ADCY3: variants seen among roughly 807,000 people sequenced by gnomAD.
ADCY3 encodes the protein adenylate cyclase 3.
Under a neutral mutation model 119.4 loss-of-function variants are expected in ADCY3, and 70 were observed. The observed-to-expected ratio is 0.59, with a 90% CI of 0.48 to 0.72. The LOEUF is 0.72. Among genes scored for constraint, ADCY3 ranks in the 30% least tolerant of loss-of-function variants. The pLI, the probability that ADCY3 is intolerant of heterozygous loss-of-function variation, is 0.00. For synonymous variants in ADCY3, 672 were observed against 621.4 expected (o/e 1.08, Z -1.21); for missense variants, 1,238 against 1,541.6 (o/e 0.80, Z 3.30).
chr2:24,831,613 G>T (rs1669518132), intron 12 of ADCY3, 49 bp downstream of exon 12: 1 of 1,426,044 alleles, frequency 7.0e-7, no homozygotes, highest in Non-Finnish European at 9.9e-7. Context: ...TACAGGGAGT[G>T]CCACTCACTT....
chr2:24,841,181 C>A lies in ADCY3; in HGVS notation c.1196+78G>T. 2 of 1,454,532 alleles carry A rather than the reference C, an allele frequency of 1.4e-6. No homozygotes were observed. Among genetic ancestry groups the A allele is most frequent in the Admixed American group, 2.4e-5 (1 of 42,470 alleles). The allele number at this position is 1,454,532 out of a possible 1,614,324, so 90.1% of individuals were successfully genotyped here. ...CCCCACCCAGGGGCCATGGCCAGCG[C>A]GGAAGACCTGCTTCTCCCTGGGTCC... is the stretch of plus-strand genomic sequence containing the variant. On this transcript the variant is annotated intron_variant, in intron 6 of 21. Coordinates refer to ENST00000679454, the MANE Select transcript of ADCY3 (RefSeq NM_004036.5). The surrounding 1 kb of genome is among the most constrained non-coding windows in gnomAD (Gnocchi z 5.8).
At chr2:24,855,109 A>C (rs79482748) in intron 3 of ADCY3, among the ~76,000 whole-genome samples, 9,549 of 152,224 alleles carry the variant, frequency 0.063, 398 homozygotes, top group East Asian at 0.095. Flanking sequence ...TGCCTGAACA[A>C]GCCCCTTGGC....
intron 3 of ADCY3, among the ~76,000 whole-genome samples, chr2:24,853,208 T>C (rs1284505008): frequency 6.6e-6 from 1 of 151,946 alleles, no homozygotes; most frequent in African/African-American, 2.4e-5. Flanking sequence ...TCAAAGCCAG[T>C]GCGATGTGTT....
rs1329651425 is a variant in ADCY3, at chr2:24,899,656, G to A, written c.675+18657C>T. Among the ~76,000 whole-genome samples the A allele has an allele frequency of 6.6e-6, 1 of 152,252 alleles. No homozygotes were observed. Among genetic ancestry groups the A allele is most frequent in the East Asian group, 1.9e-4 (1 of 5,202 alleles). The stretch of plus-strand genomic sequence containing the variant: ...GGAGGCAGGGCTGCAGACGGCAGAG[G>A]CATCTCATCCCCTTGAGAGGAAACT... On this transcript the variant is annotated intron_variant, in intron 2 of 21. Transcript: ENST00000679454. This position sits in a 1 kb window ranked among gnomAD's most constrained non-coding sequence, Gnocchi z 4.5.
chr2:24,913,607 C>T (rs981291464), intron 2 of ADCY3, among the ~76,000 whole-genome samples: 1 of 152,208 alleles, frequency 6.6e-6, no homozygotes, highest in African/African-American at 2.4e-5. Context: ...GAGCCAGTAA[C>T]ATCCAGGATT....
intron 7 of ADCY3, chr2:24,838,859 C>A: frequency 6.2e-7 from 1 of 1,605,608 alleles, no homozygotes; most frequent in South Asian, 1.1e-5. Flanking sequence ...CCATCTCAGC[C>A]TCAGTGTTGG....
intron 11 of ADCY3, among the ~76,000 whole-genome samples, chr2:24,832,566 C>T (rs549264054): frequency 6.6e-6 from 1 of 152,184 alleles, no homozygotes; most frequent in Non-Finnish European, 1.5e-5. Context: ...CCAAGAGCCC[C>T]AGAAGCCTCC....
intron 2 of ADCY3, among the ~76,000 whole-genome samples, chr2:24,888,599 C>T (rs528332513): frequency 6.6e-6 from 1 of 152,356 alleles, no homozygotes; most frequent in South Asian, 2.1e-4. Context: ...TGTGTTCTAT[C>T]ACTCCTTAGA....
chr2:24,874,209 T>C (rs1675369530), intron 2 of ADCY3, among the ~76,000 whole-genome samples: 1 of 152,108 alleles, frequency 6.6e-6, no homozygotes, highest in Admixed American at 6.6e-5. Flanking sequence ...GCGTGACGAA[T>C]CAGGAGGTCA....
chr2:24,875,285 A>T (rs912144364), intron 2 of ADCY3, among the ~76,000 whole-genome samples: 1 of 152,166 alleles, frequency 6.6e-6, no homozygotes, highest in East Asian at 1.9e-4. Context: ...TTCCATCCCT[A>T]TGGTCCCTCT....
rs1342458069 is a variant in ADCY3 at position 24,918,231 on chromosome 2, A to G, written c.675+82T>C. Reference sequence around the variant, plus strand: ...AGGACACATTTTGACTCAAAGGCAAAGCAAACAGCAACTCCAACAGGTCCC... The same window carrying G: ...AGGACACATTTTGACTCAAAGGCAAGGCAAACAGCAACTCCAACAGGTCCC... On this transcript the variant is annotated intron_variant, in intron 2 of 21. Transcript: ENST00000679454. This position sits in a 1 kb window ranked among gnomAD's most constrained non-coding sequence, Gnocchi z 5.4. 1 of 1,469,508 alleles carries G rather than the reference A, an allele frequency of 6.8e-7. No individual in the cohort carries two copies. The highest frequency in any genetic ancestry group is 2.3e-5 in the East Asian group (1 of 43,540). 91.0% of individuals were successfully genotyped at this position (1,469,508 alleles called of 1,614,324 possible).
At chr2:24,821,704 C>T (rs1667744254) in intron 19 of ADCY3, 64 bp from the exon 20 acceptor site, 1 of 1,584,092 alleles carries the variant, frequency 6.3e-7, no homozygotes, top group Admixed American at 1.7e-5. Context: ...GCTCTGCTGC[C>T]TTCCCTGGCA....
chr2:24,875,290 C>CCCT (rs1675546780), intron 2 of ADCY3, among the ~76,000 whole-genome samples: 1 of 152,246 alleles, frequency 6.6e-6, no homozygotes, highest in Non-Finnish European at 1.5e-5. Flanking sequence ...TCCCTATGGT[C>CCCT]CCTCTCTCCC....
intron 2 of ADCY3, among the ~76,000 whole-genome samples, chr2:24,900,110 C>T (rs1474690531): frequency 5.3e-5 from 8 of 150,062 alleles, no homozygotes; most frequent in Non-Finnish European, 7.4e-5. Flanking sequence ...AATGAAGTTG[C>T]CTTTTTTTTT....
intron 2 of ADCY3, among the ~76,000 whole-genome samples, chr2:24,873,966 G>A (rs971816480): frequency 6.6e-6 from 1 of 152,186 alleles, no homozygotes; most frequent in African/African-American, 2.4e-5. Flanking sequence ...CTGTATTCTG[G>A]GGTAGGTGAA....
At position 24,919,631 on chromosome 2, in the gene ADCY3, G is replaced by A. The variant is rs771396489; in HGVS notation, c.-198+52C>T. 21 of 152,412 alleles carry A rather than the reference G, an allele frequency of 1.4e-4. No individual in the cohort carries two copies. Among genetic ancestry groups the A allele is most frequent in the Non-Finnish European group, 2.9e-4 (20 of 68,172 alleles). The allele number at this position is 152,412 out of a possible 1,614,324, so 9.4% of individuals were successfully genotyped here. On this transcript the variant is annotated intron_variant, in intron 1 of 21. Coordinates refer to ENST00000679454, the MANE Select transcript of ADCY3 (RefSeq NM_004036.5). The surrounding 1 kb of genome is among the most constrained non-coding windows in gnomAD (Gnocchi z 5.5). ...GGCTCCGATCCGGCCCCCTTCCCAC[G>A]CTCGGGGCGCTGTCTTCCCCCCCGG... is the stretch of plus-strand genomic sequence containing the variant.
chr2:24,863,225 G>T (rs1039348269), intron 3 of ADCY3, among the ~76,000 whole-genome samples: 1 of 152,168 alleles, frequency 6.6e-6, no homozygotes, highest in Admixed American at 6.5e-5. Flanking sequence ...GGTGGGCTGG[G>T]AAAGGCAGAC....
chr2:24,846,888 T>C (rs917918585), intron 3 of ADCY3, among the ~76,000 whole-genome samples: 1 of 152,226 alleles, frequency 6.6e-6, no homozygotes, highest in Non-Finnish European at 1.5e-5. Flanking sequence ...CGCTTGCTTT[T>C]GATTTTACAG....
At chr2:24,838,872 C>T in intron 7 of ADCY3, 1 of 1,601,164 alleles carries the variant, frequency 6.2e-7, no homozygotes, top group Non-Finnish European at 8.5e-7. Flanking sequence ...AGTGTTGGAG[C>T]CACGACACAG....
Sources: allele counts gnomAD v4.1 joint callset (sites outside exome capture counted in the v4.1 genomes callset), GRCh38; gene constraint gnomAD v4.1.1; non-coding constraint Gnocchi (gnomAD v3.1); transcripts MANE v1.5; gene names NCBI Gene and HGNC (gene_info 2026-07-23, HGNC 2026-07-21).